The following MGMT variants were observed in gnomAD, a reference collection of about 807,000 sequenced individuals.
MGMT encodes methylated-DNA--protein-cysteine methyltransferase.
A neutral mutation model predicts 15.9 loss-of-function variants in MGMT; 14 were observed. The ratio of observed to expected loss-of-function variants is 0.88; its 90% confidence interval spans 0.58 to 1.37. The LOEUF is 1.37. Ranked by LOEUF, MGMT falls within the 40% of genes most tolerant of loss-of-function variation. The pLI is 0.00. For synonymous variants in MGMT, 130 were observed against 118.2 expected (o/e 1.10, Z -0.65); for missense variants, 282 against 268.1 (o/e 1.05, Z -0.36).
rs988546601 is a variant in MGMT at position 129,659,096 on chromosome 10, C to A, written c.126-48799C>A. ...TCAAGGCCGGGTGCAGTGGCTCACA[C>A]CTGTAATCCCAACACTTTGGGAGGC... On this transcript the variant is annotated intron_variant, in intron 2 of 4. Coordinates refer to ENST00000651593, the MANE Select transcript of MGMT (RefSeq NM_002412.5). The surrounding 1 kb of genome is among the most constrained non-coding windows in gnomAD (Gnocchi z 4.1). Among the ~76,000 whole-genome samples the A allele has an allele frequency of 6.6e-6, 1 of 152,150 alleles. No individual in the cohort carries two copies. Among genetic ancestry groups the A allele is most frequent in the Non-Finnish European group, 1.5e-5 (1 of 68,032 alleles).
At chr10:129,474,996 C>T (rs750034466) in intron 1 of MGMT, among the ~76,000 whole-genome samples, 5 of 151,300 alleles carry the variant, frequency 3.3e-5, no homozygotes, top group South Asian at 2.1e-4. Flanking sequence ...AGAGCCTGGC[C>T]TTTGTTGGGG....
intron 2 of MGMT, among the ~76,000 whole-genome samples, chr10:129,605,827 G>A (rs909549494): frequency 1.3e-5 from 2 of 152,094 alleles, no homozygotes; most frequent in African/African-American, 2.4e-5. Context: ...ATGTGCTTGC[G>A]TGGCCAAAAA....
intron 1 of MGMT, among the ~76,000 whole-genome samples, chr10:129,523,744 C>T (rs1026586556): frequency 2.6e-5 from 4 of 152,116 alleles, no homozygotes; most frequent in Non-Finnish European, 4.4e-5. Context: ...CCTGCCAGCT[C>T]CATAGAGAGA....
rs74160261 is a variant in MGMT, at chr10:129,679,870, T to G, written c.126-28025T>G. Among the ~76,000 whole-genome samples the G allele has an allele frequency of 6.9e-3, 1,047 of 152,312 alleles. 14 individuals are homozygous for G. Among genetic ancestry groups the G allele is most frequent in the African/African-American group, 0.024 (997 of 41,556 alleles). On this transcript the variant is annotated intron_variant, in intron 2 of 4. Coordinates refer to ENST00000651593, the MANE Select transcript of MGMT (RefSeq NM_002412.5). ...TCATTTTTATAGTTATAGAGAGAACTCCTATGTACTTCATGGGAATACAAA... is the reference window on the plus strand; with the variant it reads ...TCATTTTTATAGTTATAGAGAGAACGCCTATGTACTTCATGGGAATACAAA...
intron 2 of MGMT, among the ~76,000 whole-genome samples, chr10:129,546,267 C>T (rs1408684065): frequency 6.6e-6 from 1 of 152,222 alleles, no homozygotes; most frequent in Non-Finnish European, 1.5e-5. Flanking sequence ...GTGGGCTGTT[C>T]CACACCTTGA....
chr10:129,539,878 C>A (rs2119766611), intron 2 of MGMT, among the ~76,000 whole-genome samples: 1 of 152,284 alleles, frequency 6.6e-6, no homozygotes, highest in East Asian at 1.9e-4. Context: ...AAAGGTTTGG[C>A]TTCTATGTCT....
chr10:129,767,074 T>A lies in MGMT; in HGVS notation c.*77T>A. ...CGGATGCGGGGCGTGGAGGCACCGC[T>A]GTATTAAAGGAAGTGGCAGTGTCCT... On this transcript the variant is annotated 3_prime_UTR_variant, in exon 5 of 5. Transcript: ENST00000651593. The A allele has an allele frequency of 1.6e-6, 2 of 1,230,438 alleles. No homozygotes were observed. Among genetic ancestry groups the A allele is most frequent in the Non-Finnish European group, 2.2e-6 (2 of 898,244 alleles). The allele number at this position is 1,230,438 out of a possible 1,614,324, so 76.2% of individuals were successfully genotyped here.
chr10:129,616,294 C>T (rs570623491), intron 2 of MGMT, among the ~76,000 whole-genome samples: 17 of 152,318 alleles, frequency 1.1e-4, no homozygotes, highest in African/African-American at 3.8e-4. Flanking sequence ...CTGCGATGCT[C>T]ATCGTGAAGA....
intron 2 of MGMT, among the ~76,000 whole-genome samples, chr10:129,605,430 C>A (rs190724463): frequency 6.6e-5 from 10 of 152,272 alleles, no homozygotes; most frequent in Admixed American, 3.3e-4. Flanking sequence ...CCCATCTGTA[C>A]ATCATTTCTG....
intron 2 of MGMT, among the ~76,000 whole-genome samples, chr10:129,610,590 G>A (rs746608030): frequency 2.0e-5 from 3 of 152,158 alleles, no homozygotes; most frequent in Non-Finnish European, 4.4e-5. Context: ...AACTAAAACA[G>A]GGGTTGGCCA....
chr10:129,502,882 G>A (rs1441716972), intron 1 of MGMT, among the ~76,000 whole-genome samples: 4 of 152,088 alleles, frequency 2.6e-5, no homozygotes, highest in African/African-American at 7.2e-5. Context: ...AAAAGCAGCC[G>A]GACCCAAACA....
intron 2 of MGMT, among the ~76,000 whole-genome samples, chr10:129,706,930 G>T (rs971480190): frequency 6.6e-6 from 1 of 152,108 alleles, no homozygotes. Context: ...AGAGGTACAG[G>T]TTCAAACTGC....
At chr10:129,647,167 T>C (rs1188623211) in intron 2 of MGMT, among the ~76,000 whole-genome samples, 1 of 152,144 alleles carries the variant, frequency 6.6e-6, no homozygotes, top group African/African-American at 2.4e-5. Context: ...TAATAGGCAC[T>C]TCACCTGCTC....
intron 2 of MGMT, among the ~76,000 whole-genome samples, chr10:129,635,148 G>C (rs1365874418): frequency 6.6e-6 from 1 of 152,212 alleles, no homozygotes; most frequent in African/African-American, 2.4e-5. Flanking sequence ...CCCTGCAAGA[G>C]CAGCGGTTAC....
intron 2 of MGMT, among the ~76,000 whole-genome samples, chr10:129,597,080 C>T (rs903256402): frequency 6.6e-6 from 1 of 152,196 alleles, no homozygotes; most frequent in Non-Finnish European, 1.5e-5. Flanking sequence ...CAAGAAGATT[C>T]TGCGCAACAA....
chr10:129,517,144 A>C (rs60901013), intron 1 of MGMT, among the ~76,000 whole-genome samples: 37,686 of 151,824 alleles, frequency 0.25, 5,581 homozygotes, highest in African/African-American at 0.42. Context: ...GAATGGGAGG[A>C]GAGGTCATAG....
chr10:129,525,084 C>G (rs1409694042), intron 1 of MGMT, among the ~76,000 whole-genome samples: 1 of 152,160 alleles, frequency 6.6e-6, no homozygotes, highest in Non-Finnish European at 1.5e-5. Context: ...TACACATTTA[C>G]GTTTTCTGCC....
At chr10:129,712,422 A>G (rs1848243009) in intron 3 of MGMT, among the ~76,000 whole-genome samples, 2 of 152,260 alleles carry the variant, frequency 1.3e-5, no homozygotes, top group Non-Finnish European at 2.9e-5. Flanking sequence ...GTTGCATGAC[A>G]GCAGTAAAAT....
intron 2 of MGMT, among the ~76,000 whole-genome samples, chr10:129,669,904 C>T (rs907690389): frequency 6.6e-6 from 1 of 151,982 alleles, no homozygotes. Context: ...ATATAAAGTC[C>T]GATTTACAAA....
Sources: gnomAD v4.1 joint callset for allele counts (sites outside exome capture counted in the v4.1 genomes callset) on GRCh38, gnomAD v4.1.1 for gene constraint, Gnocchi (gnomAD v3.1) non-coding constraint, MANE v1.5 for transcripts, NCBI Gene and HGNC (gene_info 2026-07-23, HGNC 2026-07-21) for gene names.